DSC2: variants seen among roughly 807,000 people sequenced by gnomAD.
DSC2 encodes the protein desmocollin-2.
Under a neutral mutation model 87.6 loss-of-function variants are expected in DSC2, and 51 were observed. That is an observed-to-expected ratio of 0.58 (90% CI 0.46 to 0.74). The LOEUF (loss-of-function observed/expected upper bound fraction) is 0.74. DSC2 is among the 30% of genes least tolerant of loss of function. The pLI is 0.00. For synonymous variants in DSC2, 383 were observed against 393.2 expected (o/e 0.97, Z 0.31); for missense variants, 1,066 against 1,089.5 (o/e 0.98, Z 0.30).
chr18:31,101,595 G>C, intron 1 of DSC2: 1 of 348,858 alleles, frequency 2.9e-6, no homozygotes, highest in East Asian at 5.2e-5. Context: ...GGCGCACCCT[G>C]CTCCCCGGCG....
At chr18:31,073,715 A>G (rs1986909400) in intron 12 of DSC2, among the ~76,000 whole-genome samples, 1 of 152,228 alleles carries the variant, frequency 6.6e-6, no homozygotes, top group Non-Finnish European at 1.5e-5. Context: ...TGAGCAGGAG[A>G]TGGGGAACAT....
At chr18:31,089,322 T>G (rs1289662000) in intron 5 of DSC2, 117 bp downstream of exon 5, 5 of 1,112,178 alleles carry the variant, frequency 4.5e-6, no homozygotes, top group African/African-American at 1.5e-5. Context: ...TATTAGGGAG[T>G]AGCCAGAGCA....
Position 31,068,392 on chromosome 18 carries a change from A to G in DSC2, c.2509-180T>C, listed in dbSNP as rs764646152. On this transcript the variant is annotated intron_variant, in intron 15 of 15. Transcript: ENST00000280904. ...ATTGGTCTGTTTCATACATCACACT[A>G]TAAATTCAGTATAGCATGTTTCTAA... is the stretch of plus-strand genomic sequence containing the variant. The G allele has an allele frequency of 4.8e-5, 75 of 1,568,906 alleles. 1 individual carries two copies. Among genetic ancestry groups the G allele is most frequent in the Admixed American group, 2.0e-4 (12 of 59,954 alleles).
In DSC2 at chr18:31,069,062, A is replaced by G; in HGVS notation, c.2340T>C (p.Gly780=). The change falls in exon 15 of 16, where the codon GGT becomes GGC. Residue 780 remains glycine, a synonymous_variant. Coordinates refer to ENST00000280904, the MANE Select transcript of DSC2 (RefSeq NM_024422.6). ...GTVGSGIKNG[G]QETIEMVKGG... is the part of the protein sequence containing the mutation. Reference sequence around the variant, plus strand: ...CTTTCACCATTTCGATGGTCTCCTGACCTCCGTTTTTGATTCCTGATCCCA... The same window carrying G: ...CTTTCACCATTTCGATGGTCTCCTGGCCTCCGTTTTTGATTCCTGATCCCA... 6.2e-7 allele frequency: 1 copy of G among 1,613,878 alleles called. No individual in the cohort carries two copies. The highest frequency in any genetic ancestry group is 1.1e-5 in the South Asian group (1 of 91,070).
At chr18:31,074,116 C>T (rs1251638253) in intron 12 of DSC2, among the ~76,000 whole-genome samples, 3 of 152,184 alleles carry the variant, frequency 2.0e-5, no homozygotes, top group Non-Finnish European at 1.5e-5. Flanking sequence ...GCCCATTTAG[C>T]TCAGACTCCC....
At chr18:31,087,412 G>T (rs75552959) in intron 6 of DSC2, among the ~76,000 whole-genome samples, 1 of 152,088 alleles carries the variant, frequency 6.6e-6, no homozygotes, top group Non-Finnish European at 1.5e-5. Flanking sequence ...CTTGGCATTC[G>T]CTGTGTATTG....
At chr18:31,078,725 A>G (rs2144809571) in intron 11 of DSC2, among the ~76,000 whole-genome samples, 1 of 152,304 alleles carries the variant, frequency 6.6e-6, no homozygotes, top group East Asian at 1.9e-4. Flanking sequence ...TTTACAGAGA[A>G]CTGGAATACA....
At chr18:31,080,515 G>A (rs533050585) in intron 9 of DSC2, among the ~76,000 whole-genome samples, 163 bp from the exon 10 acceptor site, 2 of 152,214 alleles carry the variant, frequency 1.3e-5, no homozygotes, top group Admixed American at 6.5e-5. Flanking sequence ...GCTCTGTGTC[G>A]CCACCCACAT....
intron 9 of DSC2, 27 bp from the exon 10 acceptor site, chr18:31,080,379 C>A: frequency 6.2e-7 from 1 of 1,611,812 alleles, no homozygotes; most frequent in South Asian, 1.1e-5. Flanking sequence ...ATTGAAAAAT[C>A]AGATGAACTC....
chr18:31,068,350 C>T (rs768793854), intron 15 of DSC2, 138 bp from the exon 16 acceptor site: 12 of 1,612,178 alleles, frequency 7.4e-6, no homozygotes, highest in South Asian at 6.6e-5. Context: ...GATTCCTATA[C>T]ATAAAAAATG....
intron 2 of DSC2, 44 bp downstream of exon 2, chr18:31,093,515 C>A (rs1394636824): frequency 1.3e-6 from 2 of 1,485,254 alleles, no homozygotes; most frequent in Non-Finnish European, 1.9e-6. Flanking sequence ...CGTATATGTA[C>A]CACAGCAAAA....
intron 1 of DSC2, 103 bp downstream of exon 1, chr18:31,101,800 C>A: frequency 8.0e-7 from 1 of 1,252,718 alleles, no homozygotes; most frequent in Non-Finnish European, 1.1e-6. Context: ...CCCCTTCACC[C>A]CAGCTTTTCC....
chr18:31,061,771 A>T lies in DSC2; in HGVS notation c.*6244T>A, dbSNP rs1986506948. ...TTGCTTAATTTAAAACATTTAAGCA[A>T]AAGTAATAGGTTCTGCTTCTTAGCT... On this transcript the variant is annotated 3_prime_UTR_variant, in exon 16 of 16. Coordinates refer to ENST00000280904, the MANE Select transcript of DSC2 (RefSeq NM_024422.6). The T allele has an allele frequency of 6.6e-6, 1 of 152,214 alleles. No individual in the cohort carries two copies. The highest frequency in any genetic ancestry group is 1.5e-5 in the Non-Finnish European group (1 of 68,042). The allele number at this position is 152,214 out of a possible 1,614,324, so 9.4% of individuals were successfully genotyped here.
In DSC2 at chr18:31,070,790, G is replaced by A. The variant is rs1191025005; in HGVS notation, c.2186C>T (p.Pro729Leu). The A allele has an allele frequency of 6.2e-7, 1 of 1,613,964 alleles. No homozygotes were observed. Among genetic ancestry groups the A allele is most frequent in the East Asian group, 2.2e-5 (1 of 44,844 alleles). The change falls in exon 14 of 16, where the codon CCT (proline) becomes CTT (leucine). Residue 729 changes from proline (P) to leucine (L), a missense_variant. Physicochemically the swap from Pro to Leu is moderately conservative, Grantham distance 98. Coordinates refer to ENST00000280904, the MANE Select transcript of DSC2 (RefSeq NM_024422.6). Reference sequence around the variant, plus strand: ...TAGGTTCTGCTGGGCTAAATCATCAGGAATTACTTTTGGTTGTTTAGACGT... The same window carrying A: ...TAGGTTCTGCTGGGCTAAATCATCAAGAATTACTTTTGGTTGTTTAGACGT... Reference protein sequence around the residue: ...SGTSKQPKVIPDDLAQQNLIV... With the variant: ...SGTSKQPKVILDDLAQQNLIV...
At chr18:31,075,567 T>C (rs1031965622) in intron 11 of DSC2, among the ~76,000 whole-genome samples, 5 of 152,204 alleles carry the variant, frequency 3.3e-5, no homozygotes, top group African/African-American at 1.2e-4. Context: ...ACTTACAGGA[T>C]AGACGGGGCA....
intron 1 of DSC2, among the ~76,000 whole-genome samples, chr18:31,100,339 G>A (rs1012442257): frequency 2.6e-5 from 4 of 152,198 alleles, no homozygotes; most frequent in Non-Finnish European, 5.9e-5. Context: ...GCAGGTATAT[G>A]CAGAGCAATG....
chr18:31,089,113 C>CA (rs1338104376), intron 5 of DSC2, among the ~76,000 whole-genome samples: 1 of 139,654 alleles, frequency 7.2e-6, no homozygotes, highest in Non-Finnish European at 1.5e-5. Context: ...TGCAGTGAGC[C>CA]GAGATTACGC....
chr18:31,072,430 C>T (rs1210364608), intron 12 of DSC2, among the ~76,000 whole-genome samples: 1 of 152,142 alleles, frequency 6.6e-6, no homozygotes, highest in Non-Finnish European at 1.5e-5. Context: ...CTGCACGTGT[C>T]TTAGTTTTGA....
rs1243369658 is a variant in DSC2 at position 31,067,143 on chromosome 18, A to C, written c.*872T>G. ...TACAATGATTTCAAGAAAAACTAAG[A>C]ATATATACACTTACATAAAACAAAA... On this transcript the variant is annotated 3_prime_UTR_variant, in exon 16 of 16. Transcript: ENST00000280904. 1.3e-5 allele frequency: 2 copies of C among 152,046 alleles called. No individual in the cohort carries two copies. Among genetic ancestry groups the C allele is most frequent in the Non-Finnish European group, 2.9e-5 (2 of 67,952 alleles). The allele number at this position is 152,046 out of a possible 1,614,324, so 9.4% of individuals were successfully genotyped here.
Sources: allele counts gnomAD v4.1 joint callset (sites outside exome capture counted in the v4.1 genomes callset), GRCh38; gene constraint gnomAD v4.1.1; transcripts MANE v1.5; gene names NCBI Gene and HGNC (gene_info 2026-07-23, HGNC 2026-07-21).